MAN2A1: variants seen among roughly 807,000 people sequenced by gnomAD.
MAN2A1 encodes the protein alpha-mannosidase 2.
A neutral mutation model predicts 142.6 loss-of-function variants in MAN2A1; 76 were observed. That is an observed-to-expected ratio of 0.53 (90% CI 0.44 to 0.65). MAN2A1 has a LOEUF of 0.65. Ranked by LOEUF, MAN2A1 falls within the 30% of genes least tolerant of loss-of-function variation. The pLI is 0.00. For synonymous variants in MAN2A1, 559 were observed against 473.2 expected (o/e 1.18, Z -2.35); for missense variants, 1,311 against 1,365.1 (o/e 0.96, Z 0.62).
At chr5:109,702,114 A>G (rs887559114) in intron 1 of MAN2A1, among the ~76,000 whole-genome samples, 3 of 152,198 alleles carry the variant, frequency 2.0e-5, no homozygotes, top group Non-Finnish European at 2.9e-5. Flanking sequence ...TTTGTAGCAG[A>G]TGTTAATGAA....
intron 19 of MAN2A1, among the ~76,000 whole-genome samples, chr5:109,848,844 C>T (rs1159391455): frequency 6.6e-6 from 1 of 152,206 alleles, no homozygotes; most frequent in African/African-American, 2.4e-5. Flanking sequence ...AAGCTGCTAT[C>T]CTCTTCTCTC....
At chr5:109,840,723 A>G (rs1755181274) in intron 16 of MAN2A1, 1 of 376,546 alleles carries the variant, frequency 2.7e-6, no homozygotes, top group Admixed American at 3.2e-5. Flanking sequence ...GTATGGCCCA[A>G]GGGGGATGGA....
chr5:109,770,230 A>C, intron 6 of MAN2A1, 125 bp from the exon 7 acceptor site: 1 of 818,232 alleles, frequency 1.2e-6, no homozygotes, highest in Non-Finnish European at 1.9e-6. Flanking sequence ...CTGGAAGTTA[A>C]AGGGGCTGCT....
At chr5:109,852,146 A>AC (rs1554083725) in intron 19 of MAN2A1, among the ~76,000 whole-genome samples, 1 of 97,530 alleles carries the variant, frequency 1.0e-5, no homozygotes. Context: ...CTTAAAAACA[A>AC]AAAAAAAAAA....
chr5:109,828,104 CAAAA>C (rs751087391), intron 16 of MAN2A1, among the ~76,000 whole-genome samples: 1 of 92,804 alleles, frequency 1.1e-5, no homozygotes, highest in Non-Finnish European at 2.3e-5. Flanking sequence ...GACTCTGTCT[CAAAA>C]AAAAAAAAAA....
rs774906683 is a variant in MAN2A1 at position 109,755,380 on chromosome 5, T to C, written c.759T>C (p.Pro253=). ...TTGTGACAGGTGGCTGGGTTATGCC[T>C]GATGAAGCTACTCCACATTATTTTG... ...LEIVTGGWVM[P]DEATPHYFAL... is the part of the protein sequence containing the mutation. The change falls in exon 5 of 22, where the codon CCT becomes CCC. Residue 253 remains proline, a synonymous_variant. Coordinates refer to ENST00000261483, the MANE Select transcript of MAN2A1 (RefSeq NM_002372.4). 1.2e-6 allele frequency: 2 copies of C among 1,612,074 alleles called. No individual in the cohort carries two copies. Among genetic ancestry groups the C allele is most frequent in the South Asian group, 1.1e-5 (1 of 91,014 alleles).
intron 5 of MAN2A1, among the ~76,000 whole-genome samples, chr5:109,758,504 A>C (rs930621611): frequency 6.6e-6 from 1 of 151,456 alleles, no homozygotes; most frequent in South Asian, 2.1e-4. Flanking sequence ...CTTTTAGTGC[A>C]CAAGTTTTAA....
intron 3 of MAN2A1, among the ~76,000 whole-genome samples, chr5:109,720,440 C>A (rs1162176038): frequency 1.3e-5 from 2 of 151,824 alleles, no homozygotes; most frequent in Non-Finnish European, 2.9e-5. Flanking sequence ...AATTATGTAT[C>A]CTCTAAAAAA....
intron 1 of MAN2A1, among the ~76,000 whole-genome samples, chr5:109,712,228 G>C (rs1163947012): frequency 6.6e-6 from 1 of 151,282 alleles, no homozygotes; most frequent in Non-Finnish European, 1.5e-5. Context: ...TCCCCTTGTT[G>C]AACTGACCAA....
intron 4 of MAN2A1, among the ~76,000 whole-genome samples, chr5:109,739,215 T>A (rs1582844918): frequency 6.6e-6 from 1 of 152,296 alleles, no homozygotes; most frequent in Middle Eastern, 3.4e-3. Context: ...AATGCTTCAT[T>A]GAAGGTAACT....
At chr5:109,863,555 T>C (rs1755808788) in intron 20 of MAN2A1, 1 of 152,168 alleles carries the variant, frequency 6.6e-6, no homozygotes, top group African/African-American at 2.4e-5. Context: ...TTACATAGTA[T>C]TTTCAACAGG....
intron 20 of MAN2A1, chr5:109,863,917 A>C (rs964198454): frequency 1.6e-4 from 24 of 152,236 alleles, no homozygotes; most frequent in African/African-American, 5.1e-4. Flanking sequence ...CAGTACCCCT[A>C]CAAAATATCA....
intron 4 of MAN2A1, among the ~76,000 whole-genome samples, chr5:109,738,483 G>A (rs1310987830): frequency 6.6e-6 from 1 of 151,930 alleles, no homozygotes; most frequent in Non-Finnish European, 1.5e-5. Context: ...TGAGTTTGCT[G>A]TCCTTTTTAC....
intron 4 of MAN2A1, among the ~76,000 whole-genome samples, chr5:109,734,648 C>T (rs1185033923): frequency 1.3e-5 from 2 of 152,156 alleles, no homozygotes; most frequent in South Asian, 4.1e-4. Flanking sequence ...CATTCAGGAA[C>T]AGGTTGTTCA....
At chr5:109,707,084 A>G (rs1156483735) in intron 1 of MAN2A1, among the ~76,000 whole-genome samples, 1 of 152,272 alleles carries the variant, frequency 6.6e-6, no homozygotes, top group East Asian at 1.9e-4. Context: ...AGAATCCATA[A>G]TCTTTGCTCT....
At chr5:109,853,348 T>C (rs1755530554) in intron 19 of MAN2A1, among the ~76,000 whole-genome samples, 7 of 150,156 alleles carry the variant, frequency 4.7e-5, no homozygotes. Flanking sequence ...TTGTGTAGAT[T>C]TGGGATAGGA....
chr5:109,729,749 T>C (rs907372783), intron 4 of MAN2A1, among the ~76,000 whole-genome samples: 17 of 152,290 alleles, frequency 1.1e-4, no homozygotes, highest in African/African-American at 4.1e-4. Context: ...TCCTAGCACT[T>C]TGGGAGGCCG....
At chr5:109,831,249 A>G (rs11241037) in intron 16 of MAN2A1, among the ~76,000 whole-genome samples, 26,018 of 152,234 alleles carry the variant, frequency 0.17, 3,217 homozygotes, top group East Asian at 0.64. Context: ...AACCTTACCC[A>G]TAGTGAGTGT....
At position 109,734,267 on chromosome 5, in the gene MAN2A1, G is replaced by T. The variant is rs1402856517; in HGVS notation, c.707+4754G>T. On this transcript the variant is annotated intron_variant, in intron 4 of 21. Coordinates refer to ENST00000261483, the MANE Select transcript of MAN2A1 (RefSeq NM_002372.4). ...TTCTTCTCTCTTTTCTTCTTTATTA[G>T]TCTTGCTAGCGGTCTATCAATTTTG... is the stretch of plus-strand genomic sequence containing the variant. 8.2e-5 allele frequency among the ~76,000 whole-genome samples: 12 copies of T among 146,552 alleles called. No homozygotes were observed. In the East Asian group the frequency reaches 1.2e-3, roughly 15 times the overall value.
Sources: gnomAD v4.1 joint callset for allele counts (sites outside exome capture counted in the v4.1 genomes callset) on GRCh38, gnomAD v4.1.1 for gene constraint, MANE v1.5 for transcripts, NCBI Gene and HGNC (gene_info 2026-07-23, HGNC 2026-07-21) for gene names.